UNC13B: variants seen among roughly 807,000 people sequenced by gnomAD.
UNC13B encodes unc-13 homolog B, also known as protein unc-13 homolog B.
A neutral mutation model predicts 211.0 loss-of-function variants in UNC13B; 144 were observed. That is an observed-to-expected ratio of 0.68 (90% CI 0.60 to 0.78). The LOEUF is 0.78. UNC13B is among the 30% of genes least tolerant of loss of function. The pLI, the probability that UNC13B is intolerant of heterozygous loss-of-function variation, is 0.00. For synonymous variants in UNC13B, 709 were observed against 725.8 expected (o/e 0.98, Z 0.37); for missense variants, 1,777 against 2,002.0 (o/e 0.89, Z 2.14).
chr9:35,228,584 G>A (rs1183909276), intron 2 of UNC13B, among the ~76,000 whole-genome samples: 1 of 151,932 alleles, frequency 6.6e-6, no homozygotes, highest in African/African-American at 2.4e-5. Context: ...CAGCTTGAGA[G>A]TGTGTGTATA....
intron 7 of UNC13B, among the ~76,000 whole-genome samples, chr9:35,264,579 A>C (rs1007601961): frequency 3.3e-5 from 5 of 152,224 alleles, no homozygotes; most frequent in Non-Finnish European, 7.3e-5. Context: ...AGACTGGACC[A>C]TAGAGCTATT....
intron 11 of UNC13B, among the ~76,000 whole-genome samples, chr9:35,336,336 T>C (rs1831655386): frequency 6.6e-6 from 1 of 152,018 alleles, no homozygotes; most frequent in South Asian, 2.1e-4. Flanking sequence ...AATCTAACAC[T>C]CCTCTCCCTC....
At chr9:35,394,782 C>A (rs76711093) in intron 26 of UNC13B, among the ~76,000 whole-genome samples, 3,628 of 152,252 alleles carry the variant, frequency 0.024, 135 homozygotes, top group African/African-American at 0.083. Flanking sequence ...CCACCTCAAA[C>A]AACTTTACTG....
Position 35,381,593 on chromosome 9 carries a change from GAGGAGTC to G in UNC13B, c.10530_10536del (p.Gly3511AlafsTer39). The G allele has an allele frequency of 6.2e-7, 1 of 1,614,208 alleles. No homozygotes were observed. The highest frequency in any genetic ancestry group is 8.5e-7 in the Non-Finnish European group (1 of 1,180,026). The stretch of plus-strand genomic sequence containing the variant: ...TACCTCACAGACATTCAGGGCAGTG[GAGGAGTC>G]CGCATCCCTGAAGCTCGAGGAGACG... On this transcript the variant is annotated frameshift_variant, in exon 20 of 40. Transcript: ENST00000635942. LOFTEE classifies it high-confidence loss of function.
intron 1 of UNC13B, among the ~76,000 whole-genome samples, chr9:35,197,739 A>C (rs1421005322): frequency 6.6e-6 from 1 of 151,824 alleles, no homozygotes; most frequent in Non-Finnish European, 1.5e-5. Flanking sequence ...CTTGTTGTTT[A>C]AATTTGTAGT....
At chr9:35,334,100 G>A (rs1831518916) in intron 11 of UNC13B, among the ~76,000 whole-genome samples, 1 of 151,996 alleles carries the variant, frequency 6.6e-6, no homozygotes, top group Non-Finnish European at 1.5e-5. Context: ...CAAGTAGCTG[G>A]GATTACAGGT....
chr9:35,255,511 CG>C (rs1826826581), intron 6 of UNC13B, among the ~76,000 whole-genome samples: 1 of 152,004 alleles, frequency 6.6e-6, no homozygotes, highest in African/African-American at 2.4e-5. Flanking sequence ...CTGGAGCATT[CG>C]GGCATCAGAG....
intron 11 of UNC13B, among the ~76,000 whole-genome samples, chr9:35,333,355 C>G (rs942460034): frequency 6.6e-6 from 1 of 152,162 alleles, no homozygotes; most frequent in Non-Finnish European, 1.5e-5. Flanking sequence ...CTGAGTTCTC[C>G]ACCACTTACG....
intron 7 of UNC13B, among the ~76,000 whole-genome samples, chr9:35,267,899 G>C (rs867478350): frequency 3.9e-5 from 6 of 152,256 alleles, no homozygotes; most frequent in South Asian, 2.1e-4. Flanking sequence ...CAAGATAACT[G>C]GGACTCACCC....
intron 6 of UNC13B, among the ~76,000 whole-genome samples, chr9:35,256,528 G>A (rs1455823437): frequency 6.6e-6 from 1 of 151,954 alleles, no homozygotes; most frequent in Non-Finnish European, 1.5e-5. Flanking sequence ...TATTTTTTAA[G>A]CATTTTTGTC....
intron 6 of UNC13B, among the ~76,000 whole-genome samples, chr9:35,250,997 C>T (rs1468908744): frequency 2.5e-4 from 29 of 114,776 alleles, no homozygotes; most frequent in Admixed American, 3.5e-4. Context: ...GAATCTCACT[C>T]TGTTGCCCAG....
chr9:35,200,570 C>T (rs1210182387), intron 1 of UNC13B, among the ~76,000 whole-genome samples: 1 of 152,042 alleles, frequency 6.6e-6, no homozygotes, highest in African/African-American at 2.4e-5. Flanking sequence ...AAGTTGGATT[C>T]CTAGGTATTT....
intron 11 of UNC13B, chr9:35,351,867 CAGAG>C: frequency 8.1e-7 from 1 of 1,232,266 alleles, no homozygotes; most frequent in Non-Finnish European, 1.0e-6. Context: ...CAGGAGCCCT[CAGAG>C]AGGAACCAAA....
chr9:35,284,788 A>G (rs1935420439), intron 7 of UNC13B, among the ~76,000 whole-genome samples: 1 of 152,186 alleles, frequency 6.6e-6, no homozygotes, highest in African/African-American at 2.4e-5. Context: ...TAATTACTAC[A>G]ATTTAGTAGT....
intron 21 of UNC13B, 86 bp downstream of exon 21, chr9:35,382,593 C>A (rs1216590389): frequency 2.1e-6 from 3 of 1,458,868 alleles, no homozygotes; most frequent in Non-Finnish European, 2.8e-6. Flanking sequence ...GACAGAGTCT[C>A]GCTCTGTTGC....
intron 11 of UNC13B, among the ~76,000 whole-genome samples, chr9:35,326,581 CAA>C (rs1831030538): frequency 6.6e-6 from 1 of 152,020 alleles, no homozygotes; most frequent in Admixed American, 6.6e-5. Flanking sequence ...TTTGTAGAGA[CAA>C]GAGCTGTGTT....
intron 8 of UNC13B, among the ~76,000 whole-genome samples, chr9:35,299,326 A>AT (rs1468879086): frequency 6.6e-6 from 1 of 152,040 alleles, no homozygotes; most frequent in East Asian, 1.9e-4. Flanking sequence ...TTTTATATGT[A>AT]TTTTTTTCTT....
At position 35,243,294 on chromosome 9, in the gene UNC13B, T is replaced by A; in HGVS notation, c.398T>A (p.Ile133Asn). The A allele has an allele frequency of 6.2e-7, 1 of 1,613,296 alleles. No individual in the cohort carries two copies. ...LDTRFELPFDIPEEEARYWTY... is the reference protein window; with the variant it reads ...LDTRFELPFDNPEEEARYWTY... ...TTTCTTCTTTTTTTTATGGTAGATA[T>A]CCCAGAGGAGGAAGCCAGATATTGG... The change falls in exon 6 of 40, where the codon ATC becomes AAC. Residue 133 changes from isoleucine (I) to asparagine (N), a missense_variant. Transcript: ENST00000635942.
Position 35,380,515 on chromosome 9 carries a change from T to C in UNC13B, c.10251T>C (p.Asp3417=), listed in dbSNP as rs774894130. 7.0e-5 allele frequency: 113 copies of C among 1,614,000 alleles called. No individual in the cohort carries two copies. The highest frequency in any genetic ancestry group is 9.1e-5 in the Non-Finnish European group (107 of 1,180,024). Residue 3417 remains aspartate (D), a synonymous_variant, in exon 18 of 40, where the codon GAT becomes GAC. Transcript: ENST00000635942. ...ACCGCATTAAGGTGCGTGTATGGGA[T>C]GAGGATGATGACATCAAGTCAAGAG... The part of the protein sequence containing the change: ...SSDRIKVRVW[D]EDDDIKSRVK...
Sources: gnomAD v4.1 joint callset for allele counts (sites outside exome capture counted in the v4.1 genomes callset) on GRCh38, gnomAD v4.1.1 for gene constraint, MANE v1.5 for transcripts, NCBI Gene and HGNC (gene_info 2026-07-23, HGNC 2026-07-21) for gene names.